Variants in AUTS2 observed in about 807,000 individuals in gnomAD.
The protein encoded by AUTS2 is activator of transcription and developmental regulator AUTS2.
A neutral mutation model predicts 112.4 loss-of-function variants in AUTS2; 17 were observed. The ratio of observed to expected loss-of-function variants is 0.15; its 90% CI spans 0.10 to 0.23. AUTS2 has a LOEUF of 0.23. AUTS2 is among the 10% of genes least tolerant of loss of function. The pLI, the probability that AUTS2 is intolerant of heterozygous loss-of-function variation, is 1.00. For missense variants in AUTS2, 1,510 were observed against 1,701.6 expected, an observed-to-expected ratio of 0.89 and a Z score of 1.98; for synonymous variants, 751 against 702.7, an observed-to-expected ratio of 1.07 and a Z score of -1.09.
chr7:69,892,805 T>A (rs1377388869), intron 1 of AUTS2, among the ~76,000 whole-genome samples: 2 of 152,324 alleles, frequency 1.3e-5, no homozygotes, highest in African/African-American at 2.4e-5. Flanking sequence ...TGGATTAAAA[T>A]TTTGCATATG....
At chr7:70,725,441 T>A (rs1280476998) in intron 6 of AUTS2, among the ~76,000 whole-genome samples, 1 of 152,232 alleles carries the variant, frequency 6.6e-6, no homozygotes, top group Non-Finnish European at 1.5e-5. Context: ...GAGAATTATG[T>A]TGTAAGAATG....
chr7:70,699,742 C>T (rs555742477), intron 6 of AUTS2, among the ~76,000 whole-genome samples: 2 of 152,174 alleles, frequency 1.3e-5, no homozygotes, highest in South Asian at 4.2e-4. Context: ...TTCTGATGGA[C>T]TGAAAGTTTG....
At chr7:69,958,081 T>C (rs1797287943) in intron 2 of AUTS2, among the ~76,000 whole-genome samples, 1 of 152,176 alleles carries the variant, frequency 6.6e-6, no homozygotes, top group South Asian at 2.1e-4. Context: ...CTTTTATTCA[T>C]TCATTCATTC....
At position 69,602,018 on chromosome 7, in the gene AUTS2, G is replaced by GTATATATATA. The variant is rs765066810; in HGVS notation, c.309+2057_309+2058insATATATATAT. Among the ~76,000 whole-genome samples, 212 of 22,250 alleles carry GTATATATATA rather than the reference G, an allele frequency of 9.5e-3. 2 individuals carry two copies. The highest frequency in any genetic ancestry group is 0.017 in the Middle Eastern group (1 of 58). 14.6% of individuals were successfully genotyped at this position (22,250 alleles called of 152,430 possible). On this transcript the variant is annotated intron_variant, in intron 1 of 18. Coordinates refer to ENST00000342771, the MANE Select transcript of AUTS2 (RefSeq NM_015570.4). ...AGGACAAGTAGGGATATATGTGTGT[G>GTATATATATA]TGTATATATATATATATATATATGT...
At chr7:70,233,370 A>G (rs1022261062) in intron 4 of AUTS2, among the ~76,000 whole-genome samples, 2 of 152,200 alleles carry the variant, frequency 1.3e-5, no homozygotes, top group African/African-American at 4.8e-5. Flanking sequence ...TAGAGTTGCA[A>G]TGGTATAGGA....
At chr7:70,379,700 T>A (rs1173745862) in intron 4 of AUTS2, among the ~76,000 whole-genome samples, 1 of 152,140 alleles carries the variant, frequency 6.6e-6, no homozygotes, top group Non-Finnish European at 1.5e-5. Flanking sequence ...AAATACAGGC[T>A]AGAAAATCCT....
In AUTS2 at chr7:69,805,828, CAG is replaced by C. The variant is rs1406207971; in HGVS notation, c.310-93456_310-93455del. Among the ~76,000 whole-genome samples, 3 of 152,336 alleles carry C rather than the reference CAG, an allele frequency of 2.0e-5. No homozygotes were observed. In the East Asian group the frequency reaches 5.8e-4, roughly 29 times the overall value. On this transcript the variant is annotated intron_variant, in intron 1 of 18. Coordinates refer to ENST00000342771, the MANE Select transcript of AUTS2 (RefSeq NM_015570.4). Reference sequence around the variant, plus strand: ...GATGATAGTATTTAGGCAGCAGTGACAGAAAGTTTTCTTTCTCCTGACTGAAT... The same window carrying C: ...GATGATAGTATTTAGGCAGCAGTGACAAAGTTTTCTTTCTCCTGACTGAAT...
intron 5 of AUTS2, among the ~76,000 whole-genome samples, chr7:70,675,420 C>CA (rs1343533199): frequency 6.6e-6 from 1 of 152,150 alleles, no homozygotes; most frequent in Non-Finnish European, 1.5e-5. Flanking sequence ...TTGATGAGCC[C>CA]AGGAGGTGGA....
intron 4 of AUTS2, among the ~76,000 whole-genome samples, chr7:70,187,115 G>A (rs1357832217): frequency 6.6e-6 from 1 of 152,202 alleles, no homozygotes; most frequent in African/African-American, 2.4e-5. Context: ...TGGATTGATA[G>A]TAGATTAGTA....
chr7:70,463,849 T>C lies in AUTS2; in HGVS notation c.690+28068T>C, dbSNP rs531262833. On this transcript the variant is annotated intron_variant, in intron 5 of 18. Transcript: ENST00000342771. ...GGAGGATGAAGACTGGCGGAGGGAG[T>C]AGTTTGCTCTGTTTAATTGGTTCTT... 2.6e-5 allele frequency among the ~76,000 whole-genome samples: 4 copies of C among 152,010 alleles called. No individual in the cohort carries two copies. The South Asian group carries it at 8.3e-4, about 32-fold the overall frequency.
At chr7:69,945,444 AC>A (rs1226310023) in intron 2 of AUTS2, among the ~76,000 whole-genome samples, 2 of 151,780 alleles carry the variant, frequency 1.3e-5, no homozygotes, top group African/African-American at 2.4e-5. Flanking sequence ...CATTCTCCTC[AC>A]CCCCCAGCTT....
chr7:69,894,252 G>GTT (rs370966756), intron 1 of AUTS2, among the ~76,000 whole-genome samples: 3,144 of 36,418 alleles, frequency 0.086, 640 homozygotes, highest in Non-Finnish European at 0.1. Context: ...GCCTTAAAGC[G>GTT]TTTTTTTTTT....
At chr7:69,968,424 A>G (rs1022269920) in intron 2 of AUTS2, among the ~76,000 whole-genome samples, 1 of 152,192 alleles carries the variant, frequency 6.6e-6, no homozygotes, top group Admixed American at 6.6e-5. Flanking sequence ...TTTAGGGGAA[A>G]AGTGTACTTT....
chr7:70,584,542 C>T (rs1204164614), intron 5 of AUTS2, among the ~76,000 whole-genome samples: 1 of 152,234 alleles, frequency 6.6e-6, no homozygotes, highest in Non-Finnish European at 1.5e-5. Context: ...AAGGGCTGTG[C>T]ATCCTAATGC....
intron 4 of AUTS2, among the ~76,000 whole-genome samples, chr7:70,297,182 C>T (rs949628857): frequency 1.3e-5 from 2 of 151,802 alleles, no homozygotes; most frequent in African/African-American, 4.8e-5. Flanking sequence ...TGCCTTACAC[C>T]ACCCAGAATT....
chr7:70,111,732 A>G (rs1805099142), intron 2 of AUTS2, among the ~76,000 whole-genome samples: 1 of 152,012 alleles, frequency 6.6e-6, no homozygotes, highest in African/African-American at 2.4e-5. Flanking sequence ...AGCTTTCCAT[A>G]TTTTTTCATG....
chr7:69,986,525 G>C (rs1331363747), intron 2 of AUTS2, among the ~76,000 whole-genome samples: 1 of 152,206 alleles, frequency 6.6e-6, no homozygotes, highest in Non-Finnish European at 1.5e-5. Context: ...AGTAAAGTCA[G>C]TTTCCAGGTG....
At chr7:69,686,218 G>T (rs533054133) in intron 1 of AUTS2, among the ~76,000 whole-genome samples, 140 of 152,274 alleles carry the variant, frequency 9.2e-4, no homozygotes, top group African/African-American at 3.3e-3. Context: ...AACAACAGGA[G>T]CTGATATTTG....
intron 1 of AUTS2, among the ~76,000 whole-genome samples, chr7:69,698,958 T>C (rs1434695656): frequency 1.3e-5 from 2 of 152,192 alleles, no homozygotes; most frequent in African/African-American, 4.8e-5. Context: ...ACTTTGACTA[T>C]ATATTTTTTC....
Sources: allele counts gnomAD v4.1 joint callset (sites outside exome capture counted in the v4.1 genomes callset), GRCh38; gene constraint gnomAD v4.1.1; transcripts MANE v1.5; gene names NCBI Gene and HGNC (gene_info 2026-07-23, HGNC 2026-07-21).